PTPN22: variants seen among roughly 807,000 people sequenced by gnomAD.
PTPN22 encodes tyrosine-protein phosphatase non-receptor type 22.
PTPN22 carries 85 observed loss-of-function variants against 103.3 expected under a neutral mutation model. That is an observed-to-expected ratio of 0.82 (90% CI 0.69 to 0.99). PTPN22 has a LOEUF of 0.99. Ranked by LOEUF, PTPN22 falls within the 50% of genes least tolerant of loss-of-function variation. The probability of loss-of-function intolerance (pLI) is 0.00; values close to 1 mark genes in which losing one functional copy is unlikely to be tolerated. For missense variants in PTPN22, 865 were observed against 936.9 expected, an observed-to-expected ratio of 0.92 and a Z score of 1.00; for synonymous variants, 323 against 310.2, an observed-to-expected ratio of 1.04 and a Z score of -0.43.
chr1:113,835,574 C>T (rs1004901484), intron 13 of PTPN22, among the ~76,000 whole-genome samples: 5 of 152,098 alleles, frequency 3.3e-5, no homozygotes, highest in Non-Finnish European at 5.9e-5. Context: ...GATTGAGTCA[C>T]GGTGTATCAG....
At chr1:113,862,616 C>A (rs1002975040) in intron 1 of PTPN22, among the ~76,000 whole-genome samples, 1 of 152,156 alleles carries the variant, frequency 6.6e-6, no homozygotes, top group African/African-American at 2.4e-5. Flanking sequence ...ACCACGATAT[C>A]TTTGCCTTGA....
intron 13 of PTPN22, among the ~76,000 whole-genome samples, chr1:113,837,012 CT>C (rs1663076686): frequency 6.6e-6 from 1 of 152,164 alleles, no homozygotes; most frequent in African/African-American, 2.4e-5. Context: ...AGCACTCCTG[CT>C]GGTACAGATC....
At chr1:113,862,074 T>C (rs1665661119) in intron 1 of PTPN22, among the ~76,000 whole-genome samples, 1 of 151,248 alleles carries the variant, frequency 6.6e-6, no homozygotes, top group African/African-American at 2.4e-5. Flanking sequence ...AGGTCAGGAG[T>C]TCGAGACCAG....
At chr1:113,823,827 G>C (rs554722077) in intron 19 of PTPN22, among the ~76,000 whole-genome samples, 1 of 152,246 alleles carries the variant, frequency 6.6e-6, no homozygotes, top group East Asian at 1.9e-4. Context: ...CTTTTTAGGA[G>C]AAAAGGTATG....
exon 13 of PTPN22, chr1:113,837,921 A>G (rs765147700): frequency 6.2e-7 from 1 of 1,614,168 alleles, no homozygotes; most frequent in Non-Finnish European, 8.5e-7. Context: ...GTTCTGCTGA[A>G]GAAACATGCA....
intron 1 of PTPN22, among the ~76,000 whole-genome samples, chr1:113,869,644 C>T (rs1406595054): frequency 1.3e-5 from 2 of 152,134 alleles, no homozygotes; most frequent in Non-Finnish European, 2.9e-5. Context: ...ATCCACCCGC[C>T]TCGGCCTCCC....
intron 11 of PTPN22, among the ~76,000 whole-genome samples, chr1:113,846,321 C>G (rs1571409670): frequency 6.6e-6 from 1 of 151,924 alleles, no homozygotes; most frequent in East Asian, 1.9e-4. Context: ...AGTCATGGCT[C>G]TAGATATAGA....
rs1661032931 is a variant in PTPN22 at position 113,814,812 on chromosome 1, T to C, written c.*93A>G. On this transcript the variant is annotated 3_prime_UTR_variant, in exon 21 of 21. Transcript: ENST00000359785. ...TAGCATATCTTCATATTTGATATTA[T>C]GCATATAGAGCACTTATTTTAACTA... is the stretch of plus-strand genomic sequence containing the variant. 24 of 950,168 alleles carry C rather than the reference T, an allele frequency of 2.5e-5. No homozygotes were observed. In the East Asian group the frequency reaches 5.5e-4, roughly 22 times the overall value. 58.9% of individuals were successfully genotyped at this position (950,168 alleles called of 1,614,324 possible).
Position 113,871,536 on chromosome 1 carries a change from C to T in PTPN22, c.87+1G>A, listed in dbSNP as rs778037340. 3.1e-6 allele frequency: 5 copies of T among 1,613,652 alleles called. No homozygotes were observed. Among genetic ancestry groups the T allele is most frequent in the Non-Finnish European group, 2.5e-6 (3 of 1,179,620 alleles). ...CTGAGAGGGTCACATACAGGACTCA[C>T]CAGAAATTCATTGGCAAACTCCTCT... On this transcript the variant is annotated splice_donor_variant, in intron 1 of 20. Coordinates refer to ENST00000359785, the Ensembl canonical transcript of PTPN22. LOFTEE classifies it high-confidence loss of function.
At chr1:113,844,175 A>G (rs534869346) in intron 11 of PTPN22, among the ~76,000 whole-genome samples, 172 of 152,072 alleles carry the variant, frequency 1.1e-3, no homozygotes, top group Non-Finnish European at 2.0e-3. Flanking sequence ...CTTTTAAAAA[A>G]ACCAGGCTGG....
At chr1:113,831,978 T>A (rs2101933464) in intron 16 of PTPN22, among the ~76,000 whole-genome samples, 1 of 152,336 alleles carries the variant, frequency 6.6e-6, no homozygotes, top group South Asian at 2.1e-4. Context: ...TAATGAGGAC[T>A]TATTTGACAA....
rs573563117 is a variant in PTPN22, at chr1:113,838,719, A to G, written c.916-99T>C. 2.2e-5 allele frequency: 32 copies of G among 1,466,004 alleles called. No homozygotes were observed. The South Asian group carries it at 4.4e-4, about 20-fold the overall frequency. 90.8% of individuals were successfully genotyped at this position (1,466,004 alleles called of 1,614,324 possible). A position where few individuals can be genotyped will look rare whatever the true frequency, so the allele number is the denominator to read the frequency against. On this transcript the variant is annotated intron_variant, in intron 11 of 20. Coordinates refer to ENST00000359785, the Ensembl canonical transcript of PTPN22. ...TGAAAAGTAATTTTTCAGGAAATAA[A>G]AAGATTTAAAATAATTCATGAAAGA...
chr1:113,868,995 G>A (rs116303377), intron 1 of PTPN22, among the ~76,000 whole-genome samples: 1,842 of 152,106 alleles, frequency 0.012, 43 homozygotes, highest in African/African-American at 0.041. Context: ...AGGCTGAGGC[G>A]AGTGGATTAC....
chr1:113,853,500 G>A lies in PTPN22; in HGVS notation c.750+971C>T, dbSNP rs557667631. 4.0e-5 allele frequency among the ~76,000 whole-genome samples: 6 copies of A among 150,104 alleles called. No individual in the cohort carries two copies. In the East Asian group the frequency reaches 9.9e-4, roughly 25 times the overall value. On this transcript the variant is annotated intron_variant, in intron 9 of 20. Coordinates refer to ENST00000359785, the Ensembl canonical transcript of PTPN22. ...CGAGTAGCTGGTATTACAGGCATGC[G>A]CCACCACACCTGGCTAATTTTGTAT...
chr1:113,869,107 T>C (rs1666358618), intron 1 of PTPN22, among the ~76,000 whole-genome samples: 1 of 152,080 alleles, frequency 6.6e-6, no homozygotes, highest in African/African-American at 2.4e-5. Context: ...TCCCAGCTAC[T>C]TGGGAGGCTG....
At chr1:113,871,251 A>G (rs1004977306) in intron 1 of PTPN22, among the ~76,000 whole-genome samples, 2 of 152,250 alleles carry the variant, frequency 1.3e-5, no homozygotes, top group Admixed American at 6.5e-5. Flanking sequence ...CTGGATGTTC[A>G]ATTAATATTA....
chr1:113,817,934 G>A (rs1661290612), intron 20 of PTPN22, among the ~76,000 whole-genome samples: 1 of 151,316 alleles, frequency 6.6e-6, no homozygotes, highest in African/African-American at 2.4e-5. Flanking sequence ...GGTAAAGTTG[G>A]GAGCTTTTTT....
At chr1:113,816,560 G>A (rs757777311) in intron 20 of PTPN22, among the ~76,000 whole-genome samples, 5 of 152,098 alleles carry the variant, frequency 3.3e-5, no homozygotes, top group Non-Finnish European at 7.4e-5. Context: ...GAGTATGGAG[G>A]ATAGCTTGGG....
chr1:113,861,760 T>G (rs1266090836), intron 1 of PTPN22, among the ~76,000 whole-genome samples: 1 of 151,846 alleles, frequency 6.6e-6, no homozygotes, highest in Admixed American at 6.6e-5. Flanking sequence ...TAGGGCAAAA[T>G]TAGGGCAGAA....
Sources: gnomAD v4.1 joint callset for allele counts (sites outside exome capture counted in the v4.1 genomes callset) on GRCh38, gnomAD v4.1.1 for gene constraint, MANE v1.5 for transcripts, NCBI Gene and HGNC (gene_info 2026-07-23, HGNC 2026-07-21) for gene names.